Variants in HECTD4 observed in about 807,000 individuals in gnomAD.
HECTD4 encodes probable E3 ubiquitin-protein ligase HECTD4.
A neutral mutation model predicts 471.5 loss-of-function variants in HECTD4; 114 were observed. The observed-to-expected ratio is 0.24, with a 90% CI of 0.21 to 0.28. The LOEUF (loss-of-function observed/expected upper bound fraction) is 0.28, where lower values mean the gene tolerates loss of function less well. HECTD4 is among the 10% of genes least tolerant of loss of function. HECTD4 has a pLI of 1.00. For missense variants in HECTD4, 3,866 were observed against 5,651.5 expected (o/e 0.68, Z 10.13); for synonymous variants, 2,012 against 2,256.0 (o/e 0.89, Z 3.07).
rs59590181 is a variant in HECTD4, at chr12:112,367,820, C to CAAAAA, written c.177+14127_177+14131dup. ...TGGGCAACAGAGGGAGACTCCATCT[C>CAAAAA]AAAAAAAAAAAAAAAAAAAAAAAAA... is the stretch of plus-strand genomic sequence containing the variant. On this transcript the variant is annotated intron_variant, in intron 1 of 75. Coordinates refer to ENST00000682272, the MANE Select transcript of HECTD4 (RefSeq NM_001388303.1). Among the ~76,000 whole-genome samples the CAAAAA allele has an allele frequency of 3.2e-4, 4 of 12,574 alleles. 1 individual carries two copies. The East Asian group carries it at 4.7e-3, about 15-fold the overall frequency. The allele number at this position is 12,574 out of a possible 152,430, so 8.2% of individuals were successfully genotyped here. A position where few individuals can be genotyped will look rare whatever the true frequency, so the allele number is the denominator to read the frequency against.
At chr12:112,242,146 AAC>A (rs1396614883) in intron 32 of HECTD4, among the ~76,000 whole-genome samples, 2 of 152,234 alleles carry the variant, frequency 1.3e-5, no homozygotes, top group Admixed American at 6.5e-5. Flanking sequence ...GTTCAGTAAT[AAC>A]AGTTATGGAA....
At chr12:112,339,974 G>C (rs1027200365) in intron 1 of HECTD4, among the ~76,000 whole-genome samples, 1 of 151,848 alleles carries the variant, frequency 6.6e-6, no homozygotes, top group Non-Finnish European at 1.5e-5. Flanking sequence ...GTTTGAACCC[G>C]GGAGGCAATG....
intron 4 of HECTD4, 47 bp from the exon 5 acceptor site, chr12:112,309,716 T>C: frequency 2.3e-6 from 2 of 882,496 alleles, no homozygotes; most frequent in Non-Finnish European, 3.4e-6. Context: ...TTTTTTCTAT[T>C]GAAATTATAA....
chr12:112,206,373 T>C (rs563612474), intron 52 of HECTD4, among the ~76,000 whole-genome samples: 64 of 152,158 alleles, frequency 4.2e-4, no homozygotes, highest in South Asian at 3.1e-3. Context: ...TGAGTGCCTG[T>C]AGTCCCAGGT....
At chr12:112,337,462 T>C (rs2035979288) in intron 1 of HECTD4, among the ~76,000 whole-genome samples, 1 of 152,196 alleles carries the variant, frequency 6.6e-6, no homozygotes, top group Admixed American at 6.5e-5. Context: ...TACCAATCTA[T>C]GTTTAGCCAA....
In HECTD4 at chr12:112,167,937, C is replaced by T. The variant is rs2031043809; in HGVS notation, c.12209-20G>A. ...AGCCGCCTGTAGGACAGACGAGACA[C>T]ATGGGCACCTGGGGTGTCCCGGCGG... is the stretch of plus-strand genomic sequence containing the variant. On this transcript the variant is annotated intron_variant, in intron 70 of 75. Coordinates refer to ENST00000682272, the MANE Select transcript of HECTD4 (RefSeq NM_001388303.1). 4 of 1,596,220 alleles carry T rather than the reference C, an allele frequency of 2.5e-6. No individual in the cohort carries two copies. In the African/African-American group the frequency reaches 4.0e-5, roughly 16 times the overall value.
intron 47 of HECTD4, among the ~76,000 whole-genome samples, 195 bp downstream of exon 47, chr12:112,216,578 A>G (rs559603723): frequency 1.8e-4 from 28 of 152,304 alleles, no homozygotes; most frequent in African/African-American, 6.7e-4. Flanking sequence ...AAATAAACAG[A>G]TTTTTAAAAA....
chr12:112,316,825 A>G (rs888036957), intron 2 of HECTD4, among the ~76,000 whole-genome samples: 1 of 151,944 alleles, frequency 6.6e-6, no homozygotes, highest in Non-Finnish European at 1.5e-5. Flanking sequence ...CCAGAACATG[A>G]TATTGGCAAT....
chr12:112,333,852 C>T (rs2035888248), intron 1 of HECTD4, among the ~76,000 whole-genome samples: 1 of 152,072 alleles, frequency 6.6e-6, no homozygotes, highest in Admixed American at 6.6e-5. Flanking sequence ...AAACATTTAT[C>T]CTGATTTCTC....
chr12:112,175,536 G>A (rs2031408254), intron 66 of HECTD4, among the ~76,000 whole-genome samples, 200 bp downstream of exon 66: 1 of 152,234 alleles, frequency 6.6e-6, no homozygotes, highest in Non-Finnish European at 1.5e-5. Context: ...TCCAAGTCAG[G>A]AGTGTGGAGA....
chr12:112,265,743 G>A, intron 15 of HECTD4, 135 bp downstream of exon 15: 1 of 642,650 alleles, frequency 1.6e-6, no homozygotes, highest in Non-Finnish European at 2.7e-6. Context: ...TCTTTCAACT[G>A]GTCCATGCTT....
chr12:112,316,197 G>T (rs1242134784), intron 2 of HECTD4, among the ~76,000 whole-genome samples: 1 of 152,028 alleles, frequency 6.6e-6, no homozygotes, highest in African/African-American at 2.4e-5. Context: ...CCAAGCACAA[G>T]AATAATGTCA....
At position 112,164,108 on chromosome 12, in the gene HECTD4, C is replaced by T. The variant is rs2030824478; in HGVS notation, c.12701+1G>A. Reference sequence around the variant, plus strand: ...AGCCCCTGACACGCGCACACACTCACGCCACAAGGATGTGCCGGCCCCGGC... The same window carrying T: ...AGCCCCTGACACGCGCACACACTCATGCCACAAGGATGTGCCGGCCCCGGC... On this transcript the variant is annotated splice_donor_variant, in intron 73 of 75. Coordinates refer to ENST00000682272, the MANE Select transcript of HECTD4 (RefSeq NM_001388303.1). LOFTEE classifies it high-confidence loss of function. The T allele has an allele frequency of 1.9e-6, 3 of 1,574,314 alleles. No individual in the cohort carries two copies. The highest frequency in any genetic ancestry group is 1.7e-6 in the Non-Finnish European group (2 of 1,158,800).
chr12:112,191,904 A>G (rs1004548804), intron 59 of HECTD4, among the ~76,000 whole-genome samples: 1 of 152,172 alleles, frequency 6.6e-6, no homozygotes, highest in African/African-American at 2.4e-5. Context: ...GTCTCTGGCA[A>G]ACACGCGTCA....
intron 1 of HECTD4, among the ~76,000 whole-genome samples, chr12:112,367,408 T>C (rs1405270039): frequency 6.6e-6 from 1 of 152,126 alleles, no homozygotes; most frequent in Non-Finnish European, 1.5e-5. Context: ...ACATATTTTC[T>C]TTCCCATCCA....
intron 1 of HECTD4, among the ~76,000 whole-genome samples, chr12:112,342,456 A>ATTTTGTTTG (rs1299814930): frequency 1.3e-5 from 2 of 152,174 alleles, no homozygotes; most frequent in Non-Finnish European, 2.9e-5. Context: ...GACCCTGTCT[A>ATTTTGTTTG]TTTAAAAACA....
intron 62 of HECTD4, among the ~76,000 whole-genome samples, chr12:112,181,331 G>T (rs2031661825): frequency 6.6e-6 from 1 of 151,840 alleles, no homozygotes. Flanking sequence ...CTTTAATTTT[G>T]ACTTTAAAAA....
At chr12:112,294,696 G>A (rs1488291150) in intron 7 of HECTD4, among the ~76,000 whole-genome samples, 4 of 152,054 alleles carry the variant, frequency 2.6e-5, no homozygotes, top group Admixed American at 6.6e-5. Context: ...TCTTGTTAGC[G>A]CTGCAACGGC....
intron 1 of HECTD4, among the ~76,000 whole-genome samples, chr12:112,351,825 C>T (rs775255432): frequency 1.5e-4 from 23 of 152,294 alleles, no homozygotes; most frequent in African/African-American, 4.6e-4. Context: ...AAATTACTGT[C>T]GGCATGTTTA....
Sources: allele counts gnomAD v4.1 joint callset (sites outside exome capture counted in the v4.1 genomes callset), GRCh38; gene constraint gnomAD v4.1.1; transcripts MANE v1.5; gene names NCBI Gene and HGNC (gene_info 2026-07-23, HGNC 2026-07-21).